The following SPATA16 variants were observed in gnomAD, a reference collection of about 807,000 sequenced individuals.
The protein encoded by SPATA16 is spermatogenesis associated 16.
In SPATA16, 36 loss-of-function variants were observed where a neutral mutation model predicts 63.3. That is an observed-to-expected ratio of 0.57 (90% CI 0.44 to 0.75). SPATA16 has a LOEUF of 0.75. Ranked by LOEUF, SPATA16 falls within the 30% of genes least tolerant of loss-of-function variation. SPATA16 has a pLI of 0.00. For synonymous variants in SPATA16, 203 were observed against 216.7 expected, an observed-to-expected ratio of 0.94 and a Z score of 0.56; for missense variants, 646 against 679.3, an observed-to-expected ratio of 0.95 and a Z score of 0.54.
intron 9 of SPATA16, 88 bp downstream of exon 9, chr3:172,916,229 G>A (rs1439611391): frequency 2.3e-6 from 3 of 1,303,898 alleles, no homozygotes; most frequent in Non-Finnish European, 3.2e-6. Context: ...TATTACCACA[G>A]GATTTTTTTT....
chr3:172,920,665 TTTTTTCTAA>T (rs1732597132), intron 8 of SPATA16, among the ~76,000 whole-genome samples: 1 of 152,196 alleles, frequency 6.6e-6, no homozygotes. Context: ...CCAAGTTAAC[TTTTTTCTAA>T]TTAGATATTA....
At chr3:173,068,871 A>G (rs6806991) in intron 2 of SPATA16, among the ~76,000 whole-genome samples, 26,731 of 147,982 alleles carry the variant, frequency 0.18, 2,745 homozygotes, top group African/African-American at 0.28. Context: ...AGCACTTTGG[A>G]AGGCCGAGGC....
chr3:172,927,881 A>G (rs185832304), intron 6 of SPATA16, among the ~76,000 whole-genome samples: 266 of 152,140 alleles, frequency 1.7e-3, no homozygotes, highest in African/African-American at 6.1e-3. Context: ...TAACATACAG[A>G]TTGCAAGTAT....
intron 1 of SPATA16, among the ~76,000 whole-genome samples, chr3:173,128,851 A>G (rs1055297057): frequency 2.6e-5 from 4 of 152,248 alleles, no homozygotes; most frequent in Admixed American, 6.5e-5. Context: ...AGCTTACTAC[A>G]GAGGATACTG....
At chr3:173,076,040 T>C (rs1477231347) in intron 2 of SPATA16, among the ~76,000 whole-genome samples, 1 of 152,160 alleles carries the variant, frequency 6.6e-6, no homozygotes, top group Non-Finnish European at 1.5e-5. Flanking sequence ...CTTGTAAATA[T>C]GTGCAACTAT....
intron 2 of SPATA16, among the ~76,000 whole-genome samples, chr3:173,087,027 G>A (rs1283704240): frequency 2.0e-5 from 3 of 152,136 alleles, no homozygotes; most frequent in Non-Finnish European, 4.4e-5. Context: ...GGAGATTTCT[G>A]TAGCTATCTG....
chr3:172,951,075 G>A (rs889759845), intron 6 of SPATA16, among the ~76,000 whole-genome samples: 1 of 151,996 alleles, frequency 6.6e-6, no homozygotes, highest in East Asian at 1.9e-4. Context: ...CTTTATAAAT[G>A]AAAACATAAA....
intron 1 of SPATA16, among the ~76,000 whole-genome samples, chr3:173,137,593 T>G (rs1357238161): frequency 6.6e-6 from 1 of 152,216 alleles, no homozygotes; most frequent in East Asian, 1.9e-4. Flanking sequence ...AATTTCAATG[T>G]ATTTCAAGTC....
intron 6 of SPATA16, among the ~76,000 whole-genome samples, chr3:172,945,848 C>G (rs752565632): frequency 7.9e-5 from 12 of 152,168 alleles, no homozygotes; most frequent in Non-Finnish European, 1.6e-4. Flanking sequence ...AGTTCTGGCG[C>G]TATGCTGGAT....
chr3:173,066,348 C>A (rs143690022), intron 2 of SPATA16, among the ~76,000 whole-genome samples: 1 of 152,216 alleles, frequency 6.6e-6, no homozygotes, highest in East Asian at 1.9e-4. Flanking sequence ...CTTGGGTGAG[C>A]CCCAGTATTG....
chr3:173,011,164 A>G (rs1735066353), intron 4 of SPATA16, among the ~76,000 whole-genome samples: 1 of 152,134 alleles, frequency 6.6e-6, no homozygotes, highest in South Asian at 2.1e-4. Flanking sequence ...AAAATCAACA[A>G]AATACTGGCA....
chr3:172,966,133 A>C (rs1376649763), intron 5 of SPATA16, among the ~76,000 whole-genome samples: 1 of 152,150 alleles, frequency 6.6e-6, no homozygotes, highest in East Asian at 1.9e-4. Context: ...TTATATACCT[A>C]TATATGTTTC....
intron 5 of SPATA16, among the ~76,000 whole-genome samples, chr3:172,964,441 A>G (rs1733861425): frequency 6.6e-6 from 1 of 152,196 alleles, no homozygotes; most frequent in South Asian, 2.1e-4. Flanking sequence ...CATACTCTTT[A>G]GGATGCCACA....
chr3:173,049,130 T>C, intron 2 of SPATA16, 36 bp from the exon 3 acceptor site: 1 of 1,569,380 alleles, frequency 6.4e-7, no homozygotes, highest in Non-Finnish European at 8.7e-7. Flanking sequence ...ATCTTAATAA[T>C]CTTTCATATA....
At chr3:172,900,638 T>TC (rs1257235517) in intron 10 of SPATA16, among the ~76,000 whole-genome samples, 1 of 151,992 alleles carries the variant, frequency 6.6e-6, no homozygotes, top group Non-Finnish European at 1.5e-5. Flanking sequence ...TGTTTTTTTT[T>TC]GTTTGTTTGT....
At chr3:173,058,266 T>A (rs2108299037) in intron 2 of SPATA16, among the ~76,000 whole-genome samples, 1 of 152,208 alleles carries the variant, frequency 6.6e-6, no homozygotes, top group African/African-American at 2.4e-5. Flanking sequence ...AGATCTCCAT[T>A]TAATGGTTTC....
intron 6 of SPATA16, among the ~76,000 whole-genome samples, chr3:172,949,964 C>T (rs555760210): frequency 6.6e-6 from 1 of 152,138 alleles, no homozygotes; most frequent in South Asian, 2.1e-4. Context: ...ATCTACAATA[C>T]CTGTTTAATT....
chr3:172,990,413 A>G (rs1051511711), intron 4 of SPATA16, among the ~76,000 whole-genome samples: 3 of 152,220 alleles, frequency 2.0e-5, no homozygotes, highest in Non-Finnish European at 4.4e-5. Flanking sequence ...ATTACATTAA[A>G]CATTTTGAGA....
intron 2 of SPATA16, among the ~76,000 whole-genome samples, chr3:173,086,447 C>G (rs1737055371): frequency 6.6e-6 from 1 of 152,028 alleles, no homozygotes. Flanking sequence ...ATTAATGTAG[C>G]TAGTAGTCTA....
Sources: allele counts gnomAD v4.1 joint callset (sites outside exome capture counted in the v4.1 genomes callset), GRCh38; gene constraint gnomAD v4.1.1; transcripts MANE v1.5; gene names NCBI Gene and HGNC (gene_info 2026-07-23, HGNC 2026-07-21).